CEP128: variants seen among roughly 807,000 people sequenced by gnomAD.
CEP128 encodes centrosomal protein 128kDa.
A neutral mutation model predicts 156.7 loss-of-function variants in CEP128; 132 were observed. The ratio of observed to expected loss-of-function variants is 0.84; its 90% confidence interval spans 0.73 to 0.97. The LOEUF is 0.97. CEP128 is among the 50% of genes least tolerant of loss of function. The pLI is 0.00. For missense variants in CEP128, 1,252 were observed against 1,281.9 expected, an observed-to-expected ratio of 0.98 and a Z score of 0.36; for synonymous variants, 469 against 448.9, an observed-to-expected ratio of 1.04 and a Z score of -0.57.
intron 8 of CEP128, among the ~76,000 whole-genome samples, chr14:80,894,391 G>A (rs1296821952): frequency 2.0e-5 from 3 of 151,870 alleles, no homozygotes; most frequent in African/African-American, 4.8e-5. Context: ...CACAGATTTC[G>A]TACTGTGTGA....
chr14:80,797,078 C>A (rs1883532432), intron 13 of CEP128, among the ~76,000 whole-genome samples: 1 of 152,134 alleles, frequency 6.6e-6, no homozygotes, highest in Non-Finnish European at 1.5e-5. Context: ...GTTAGATAAT[C>A]TCAAATTTAT....
At chr14:80,507,771 A>G (rs1473653170) in intron 23 of CEP128, among the ~76,000 whole-genome samples, 1 of 152,184 alleles carries the variant, frequency 6.6e-6, no homozygotes, top group East Asian at 1.9e-4. Context: ...AAATGCGCCT[A>G]CCAGAGGAAG....
intron 23 of CEP128, among the ~76,000 whole-genome samples, chr14:80,513,636 T>C (rs1349629889): frequency 6.6e-6 from 1 of 152,198 alleles, no homozygotes; most frequent in African/African-American, 2.4e-5. Context: ...CTAAGCTCTA[T>C]TTTTTAATCT....
intron 19 of CEP128, among the ~76,000 whole-genome samples, chr14:80,646,871 T>A (rs149305118): frequency 0.023 from 3,462 of 151,308 alleles, 45 homozygotes; most frequent in Non-Finnish European, 0.028. Context: ...TACTTGATTA[T>A]TATCATAAAA....
intron 19 of CEP128, among the ~76,000 whole-genome samples, chr14:80,603,078 G>A (rs1032615721): frequency 2.6e-5 from 4 of 152,162 alleles, no homozygotes; most frequent in African/African-American, 9.7e-5. Context: ...TTAATGGGAG[G>A]AAGCAATTCT....
chr14:80,535,143 T>C (rs1889425672), intron 21 of CEP128, among the ~76,000 whole-genome samples: 1 of 152,174 alleles, frequency 6.6e-6, no homozygotes, highest in South Asian at 2.1e-4. Flanking sequence ...CATGAACACA[T>C]AATTCAAATT....
intron 16 of CEP128, among the ~76,000 whole-genome samples, chr14:80,771,181 A>G (rs1469983981): frequency 6.6e-6 from 1 of 152,210 alleles, no homozygotes; most frequent in Non-Finnish European, 1.5e-5. Flanking sequence ...TCACATTCCA[A>G]AATTTGTCAG....
At chr14:80,872,729 AATG>A (rs1360093454) in intron 8 of CEP128, among the ~76,000 whole-genome samples, 1 of 152,224 alleles carries the variant, frequency 6.6e-6, no homozygotes, top group African/African-American at 2.4e-5. Flanking sequence ...ACACTCAAAT[AATG>A]AAACCATCTT....
Position 80,746,114 on chromosome 14 carries a change from C to T in CEP128, c.2614-2847G>A, listed in dbSNP as rs948001828. Among the ~76,000 whole-genome samples, 17 of 152,166 alleles carry T rather than the reference C, an allele frequency of 1.1e-4. 2 individuals carry two copies. The highest frequency in any genetic ancestry group is 7.2e-4 in the Admixed American group (11 of 15,290). On this transcript the variant is annotated intron_variant, in intron 18 of 24. Transcript: ENST00000555265. Reference sequence around the variant, plus strand: ...GAAGACTAAGTGGGAAGATATCCTACGTAAATGGATTGAAAGCGAATATTA... The same window carrying T: ...GAAGACTAAGTGGGAAGATATCCTATGTAAATGGATTGAAAGCGAATATTA...
In CEP128 at chr14:80,485,384, C is replaced by T. The variant is rs1376433047; in HGVS notation, c.*311-6977G>A. 2.0e-5 allele frequency among the ~76,000 whole-genome samples: 3 copies of T among 152,086 alleles called. 1 individual carries two copies. The highest frequency in any genetic ancestry group is 7.2e-5 in the African/African-American group (3 of 41,442). ...ACAACTTTTAGATCCTCTTCCTTTC[C>T]AAAAGTCCAATTTCATTCCTTTTTC... On this transcript the variant is annotated intron_variant and NMD_transcript_variant, in intron 14 of 14. Transcript: ENST00000554502.
Position 80,777,954 on chromosome 14 carries a change from TAATTC to T in CEP128, c.2299_2303del (p.Glu767AsnfsTer4). The T allele has an allele frequency of 1.2e-6, 2 of 1,613,042 alleles. No individual in the cohort carries two copies. Among genetic ancestry groups the T allele is most frequent in the Non-Finnish European group, 1.7e-6 (2 of 1,179,256 alleles). ...TTTTGTTCTCATTTTCATTCTGGGT[TAATTC>T]CTCTGTCAGTCTGTCACACTGTGAT... On this transcript the variant is annotated frameshift_variant, in exon 16 of 25. Coordinates refer to ENST00000555265, the MANE Select transcript of CEP128 (RefSeq NM_152446.5). LOFTEE classifies it high-confidence loss of function.
At chr14:80,749,211 G>A (rs538990699) in intron 18 of CEP128, among the ~76,000 whole-genome samples, 14 of 152,240 alleles carry the variant, frequency 9.2e-5, no homozygotes, top group East Asian at 3.9e-4. Context: ...CAAGCACTTC[G>A]GAGAACATAT....
chr14:80,481,845 A>G (rs1346719351), intron 14 of CEP128, among the ~76,000 whole-genome samples: 1 of 152,238 alleles, frequency 6.6e-6, no homozygotes, highest in Non-Finnish European at 1.5e-5. Context: ...CCCAATTCCT[A>G]CTTTAGTATC....
At chr14:80,702,426 T>A (rs2139367762) in intron 19 of CEP128, among the ~76,000 whole-genome samples, 1 of 152,326 alleles carries the variant, frequency 6.6e-6, no homozygotes. Flanking sequence ...TTCCTCACCA[T>A]ATTCTTATTG....
intron 21 of CEP128, among the ~76,000 whole-genome samples, chr14:80,557,850 A>G (rs1716087099): frequency 6.6e-6 from 1 of 152,026 alleles, no homozygotes; most frequent in South Asian, 2.1e-4. Context: ...TATAAAAAGA[A>G]AAAAAAATCA....
At position 80,672,293 on chromosome 14, in the gene CEP128, G is replaced by C. The variant is rs113087889; in HGVS notation, c.2806+70782C>G. Among the ~76,000 whole-genome samples, 378 of 113,494 alleles carry C rather than the reference G, an allele frequency of 3.3e-3. 3 individuals are homozygous for C. The highest frequency in any genetic ancestry group is 0.012 in the African/African-American group (365 of 30,768). 74.5% of individuals were successfully genotyped at this position (113,494 alleles called of 152,430 possible). A position where few individuals can be genotyped will look rare whatever the true frequency, so the allele number is the denominator to read the frequency against. ...TACATTATCATTAAACAAATTTTGA[G>C]ATACCTAATAAGCCAAAAAAAAAAA... is the stretch of plus-strand genomic sequence containing the variant. On this transcript the variant is annotated intron_variant, in intron 19 of 24. Transcript: ENST00000555265.
At chr14:80,625,478 C>G (rs1406568184) in intron 19 of CEP128, among the ~76,000 whole-genome samples, 1 of 151,746 alleles carries the variant, frequency 6.6e-6, no homozygotes, top group Non-Finnish European at 1.5e-5. Flanking sequence ...GATTTTTTTT[C>G]TATTTTTATG....
chr14:80,755,891 G>A (rs543686472), intron 18 of CEP128, among the ~76,000 whole-genome samples: 1 of 152,148 alleles, frequency 6.6e-6, no homozygotes, highest in African/African-American at 2.4e-5. Flanking sequence ...AATAGAAGGG[G>A]TCTGATCAGA....
At chr14:80,640,883 T>C (rs1465745757) in intron 19 of CEP128, among the ~76,000 whole-genome samples, 1 of 152,220 alleles carries the variant, frequency 6.6e-6, no homozygotes, top group Non-Finnish European at 1.5e-5. Flanking sequence ...TATTGTCTTC[T>C]ATTTTCCCAG....
Sources: gnomAD v4.1 joint callset for allele counts (sites outside exome capture counted in the v4.1 genomes callset) on GRCh38, gnomAD v4.1.1 for gene constraint, MANE v1.5 for transcripts, NCBI Gene and HGNC (gene_info 2026-07-23, HGNC 2026-07-21) for gene names.